The following ARCN1 variants were observed in gnomAD, a reference collection of about 807,000 sequenced individuals.
ARCN1 encodes the protein coatomer subunit delta.
In ARCN1, 5 loss-of-function variants were observed where a neutral mutation model predicts 60.4. That is an observed-to-expected ratio of 0.08 (90% CI 0.04 to 0.17). The LOEUF (loss-of-function observed/expected upper bound fraction) is 0.17, where lower values mean the gene tolerates loss of function less well. Ranked by LOEUF, ARCN1 falls within the 10% of genes least tolerant of loss-of-function variation. The probability of loss-of-function intolerance (pLI) is 1.00; values close to 1 mark genes in which losing one functional copy is unlikely to be tolerated. For synonymous variants in ARCN1, 224 were observed against 220.0 expected, an observed-to-expected ratio of 1.02 and a Z score of -0.16; for missense variants, 464 against 626.5, an observed-to-expected ratio of 0.74 and a Z score of 2.77.
In ARCN1 at chr11:118,577,412, AT is replaced by A. The variant is rs139629114; in HGVS notation, c.4-3828del. 5.0e-3 allele frequency among the ~76,000 whole-genome samples: 766 copies of A among 151,950 alleles called. 6 individuals carry two copies. The highest frequency in any genetic ancestry group is 0.017 in the African/African-American group (696 of 41,428). On this transcript the variant is annotated intron_variant, in intron 1 of 9. Transcript: ENST00000264028. ...AGACGTGCACCACCAGACTTGGCTA[AT>A]TTTTTGTATTTTTTGGTAGAGACAG...
chr11:118,583,501 C>A, intron 3 of ARCN1, 143 bp downstream of exon 3: 1 of 1,075,726 alleles, frequency 9.3e-7, no homozygotes, highest in Non-Finnish European at 1.3e-6. Context: ...TGTCTGTAAT[C>A]TCAGCACTTT....
At chr11:118,583,692 A>G in intron 3 of ARCN1, 117 bp from the exon 4 acceptor site, 2 of 1,055,430 alleles carry the variant, frequency 1.9e-6, no homozygotes, top group Non-Finnish European at 2.8e-6. Context: ...CAGGAAGTTG[A>G]GGCTGCAGTG....
Position 118,595,935 on chromosome 11 carries a change from C to T in ARCN1, c.1242-1772C>T, listed in dbSNP as rs542417647. ...ACAAAAAATTAGCTGGGCCTGGTGGCGGGCGCCTGTAGTTCCAGCTACTCC... is the reference window on the plus strand; with the variant it reads ...ACAAAAAATTAGCTGGGCCTGGTGGTGGGCGCCTGTAGTTCCAGCTACTCC... On this transcript the variant is annotated intron_variant, in intron 8 of 9. Coordinates refer to ENST00000264028, the MANE Select transcript of ARCN1 (RefSeq NM_001655.5). Among the ~76,000 whole-genome samples the T allele has an allele frequency of 1.4e-4, 22 of 152,184 alleles. No homozygotes were observed. The South Asian group carries it at 3.9e-3, about 27-fold the overall frequency.
In ARCN1 at chr11:118,600,771, T is replaced by G. The variant is rs932983109; in HGVS notation, c.*57T>G. The G allele has an allele frequency of 4.9e-6, 6 of 1,233,524 alleles. No individual in the cohort carries two copies. The highest frequency in any genetic ancestry group is 3.5e-6 in the Non-Finnish European group (3 of 860,830). The allele number at this position is 1,233,524 out of a possible 1,614,324, so 76.4% of individuals were successfully genotyped here. A position where few individuals can be genotyped will look rare whatever the true frequency, so the allele number is the denominator to read the frequency against. ...TTCAGATTAATAAAGAAGACGCCAA[T>G]GATGGCTGAAGAGTTTTTCCCAGAT... On this transcript the variant is annotated 3_prime_UTR_variant, in exon 10 of 10. Coordinates refer to ENST00000264028, the MANE Select transcript of ARCN1 (RefSeq NM_001655.5).
chr11:118,592,444 T>C (rs1938932935), intron 6 of ARCN1, among the ~76,000 whole-genome samples: 1 of 152,204 alleles, frequency 6.6e-6, no homozygotes, highest in South Asian at 2.1e-4. Context: ...AATAGTCTTT[T>C]AACTTTTTCA....
Position 118,595,232 on chromosome 11 carries a change from A to C in ARCN1, c.1241+1534A>C, listed in dbSNP as rs76987598. Among the ~76,000 whole-genome samples, 639 of 152,342 alleles carry C rather than the reference A, an allele frequency of 4.2e-3. 2 individuals are homozygous for C. Among genetic ancestry groups the C allele is most frequent in the African/African-American group, 0.015 (622 of 41,576 alleles). ...AGAAGGAGGAGCCATTTGTCAGTCA[A>C]ACTTTCTGTTTTGCAGGTTTCAAAG... On this transcript the variant is annotated intron_variant, in intron 8 of 9. Coordinates refer to ENST00000264028, the MANE Select transcript of ARCN1 (RefSeq NM_001655.5).
At position 118,581,937 on chromosome 11, in the gene ARCN1, G is replaced by GACAGACAGACACACAC. The variant is rs1555074708; in HGVS notation, c.267+431_267+432insGACAGACACACACACA. On this transcript the variant is annotated intron_variant, in intron 2 of 9. Transcript: ENST00000264028. ...TGATCCAGAGACAGACAGACAGACA[G>GACAGACAGACACACAC]ACACACACACACACACACACACACA... is the stretch of plus-strand genomic sequence containing the variant. 1.2e-4 allele frequency among the ~76,000 whole-genome samples: 17 copies of GACAGACAGACACACAC among 140,702 alleles called. 1 individual carries two copies. Among genetic ancestry groups the GACAGACAGACACACAC allele is most frequent in the African/African-American group, 4.2e-4 (16 of 38,536 alleles). 92.3% of individuals were successfully genotyped at this position (140,702 alleles called of 152,430 possible).
In ARCN1 at chr11:118,581,493, G is replaced by C; in HGVS notation, c.251G>C (p.Arg84Thr). 6.2e-7 allele frequency: 1 copy of C among 1,613,468 alleles called. No homozygotes were observed. Among genetic ancestry groups the C allele is most frequent in the Non-Finnish European group, 8.5e-7 (1 of 1,179,650 alleles). ...SNILEDLETL[R>T]LFSRVIPEYC... ...ATTTTAGAAGATTTGGAGACCCTAA[G>C]GCTCTTCTCAAGAGTGGTAAGAGTA... Residue 84 changes from arginine (R) to threonine (T), a missense_variant, in exon 2 of 10, where the codon AGG becomes ACG. Arg to Thr is a moderately conservative substitution (Grantham distance 71, BLOSUM62 -1). This residue lies in a region of ARCN1 where 105 missense variants were observed against 186.3 expected (regional missense o/e 0.56). Transcript: ENST00000264028.
chr11:118,598,414 C>T (rs1939075858), intron 9 of ARCN1, among the ~76,000 whole-genome samples: 1 of 151,264 alleles, frequency 6.6e-6, no homozygotes, highest in African/African-American at 2.4e-5. Context: ...TACAAATAAT[C>T]ATGAGCCAAT....
chr11:118,598,092 C>T (rs1188098707), intron 9 of ARCN1, among the ~76,000 whole-genome samples, 181 bp downstream of exon 9: 1 of 152,116 alleles, frequency 6.6e-6, no homozygotes, highest in Non-Finnish European at 1.5e-5. Context: ...TCTTTTATTG[C>T]TTTACCTCAG....
At chr11:118,593,739 A>G (rs782357805) in intron 8 of ARCN1, 41 bp downstream of exon 8, 1 of 1,417,358 alleles carries the variant, frequency 7.1e-7, no homozygotes, top group African/African-American at 1.4e-5. Flanking sequence ...GACTTAGAGA[A>G]CTGGTCTTTT....
At position 118,601,710 on chromosome 11, in the gene ARCN1, G is replaced by C; in HGVS notation, c.*996G>C. On this transcript the variant is annotated 3_prime_UTR_variant, in exon 10 of 10. Transcript: ENST00000264028. Reference sequence around the variant, plus strand: ...TTTGCCAAGTTGTTTTCCTTTCAGGGCCTGTCCTTCCAGTTTAGAACAGTA... The same window carrying C: ...TTTGCCAAGTTGTTTTCCTTTCAGGCCCTGTCCTTCCAGTTTAGAACAGTA... The C allele has an allele frequency of 4.3e-6, 3 of 702,906 alleles. No homozygotes were observed. Among genetic ancestry groups the C allele is most frequent in the South Asian group, 3.0e-5 (2 of 67,596 alleles). 43.5% of individuals were successfully genotyped at this position (702,906 alleles called of 1,614,324 possible).
At chr11:118,581,598 C>A in intron 2 of ARCN1, 89 bp downstream of exon 2, 1 of 1,422,666 alleles carries the variant, frequency 7.0e-7, no homozygotes, top group Non-Finnish European at 9.5e-7. Flanking sequence ...TGATGCTAAC[C>A]AGTTTGCAGG....
intron 5 of ARCN1, among the ~76,000 whole-genome samples, chr11:118,589,240 A>G (rs1555075907): frequency 6.6e-6 from 1 of 152,168 alleles, no homozygotes; most frequent in Non-Finnish European, 1.5e-5. Flanking sequence ...AGAGAGAGAA[A>G]CACAAGTGCA....
At chr11:118,596,033 C>T (rs1939019069) in intron 8 of ARCN1, among the ~76,000 whole-genome samples, 1 of 151,628 alleles carries the variant, frequency 6.6e-6, no homozygotes, top group Non-Finnish European at 1.5e-5. Flanking sequence ...CGCCACTGCA[C>T]TCCAGCCTGG....
rs1555074613 is a variant in ARCN1 at position 118,581,449 on chromosome 11, C to G, written c.207C>G (p.Ile69Met). Reference protein sequence around the residue: ...QPMEKLYMVLITTKNSNILED... With the variant: ...QPMEKLYMVLMTTKNSNILED... ...TGGAGAAACTGTATATGGTACTGAT[C>G]ACTACCAAAAACAGCAACATTTTAG... The change falls in exon 2 of 10, where the codon ATC becomes ATG. Residue 69 changes from isoleucine to methionine, a missense_variant. Physicochemically the swap from Ile to Met is conservative, Grantham distance 10. Coordinates refer to ENST00000264028, the MANE Select transcript of ARCN1 (RefSeq NM_001655.5). The G allele has an allele frequency of 1.9e-6, 3 of 1,614,144 alleles. No individual in the cohort carries two copies. Among genetic ancestry groups the G allele is most frequent in the Non-Finnish European group, 2.5e-6 (3 of 1,180,008 alleles).
At chr11:118,599,135 C>T (rs1279222526) in intron 9 of ARCN1, among the ~76,000 whole-genome samples, 2 of 151,412 alleles carry the variant, frequency 1.3e-5, no homozygotes, top group East Asian at 1.9e-4. Flanking sequence ...TCTTGTTGCC[C>T]AGGCTGGAGT....
At chr11:118,584,408 A>C in intron 4 of ARCN1, 72 bp from the exon 5 acceptor site, 1 of 1,435,884 alleles carries the variant, frequency 7.0e-7, no homozygotes, top group Non-Finnish European at 9.3e-7. Flanking sequence ...GGGAGATACA[A>C]AATTTTCATC....
chr11:118,597,224 A>G (rs1939045694), intron 8 of ARCN1, among the ~76,000 whole-genome samples: 1 of 152,180 alleles, frequency 6.6e-6, no homozygotes, highest in Non-Finnish European at 1.5e-5. Flanking sequence ...AATGAACAAG[A>G]AAACAAATTC....
Sources: allele counts gnomAD v4.1 joint callset (sites outside exome capture counted in the v4.1 genomes callset), GRCh38; gene constraint gnomAD v4.1.1; regional missense constraint gnomAD v4.1.1; transcripts MANE v1.5; gene names NCBI Gene and HGNC (gene_info 2026-07-23, HGNC 2026-07-21).